Variants in INSR observed in about 807,000 individuals in gnomAD.
The protein encoded by INSR is IR.
INSR carries 67 observed loss-of-function variants against 142.6 expected under a neutral mutation model. The ratio of observed to expected loss-of-function variants is 0.47; its 90% CI spans 0.39 to 0.58. The LOEUF is 0.58. INSR is among the 20% of genes least tolerant of loss of function. The pLI is 0.00. For synonymous variants in INSR, 756 were observed against 743.1 expected, an observed-to-expected ratio of 1.02 and a Z score of -0.28; for missense variants, 1,248 against 1,833.2, an observed-to-expected ratio of 0.68 and a Z score of 5.83.
At chr19:7,233,888 G>A (rs1976075988) in intron 2 of INSR, among the ~76,000 whole-genome samples, 1 of 151,230 alleles carries the variant, frequency 6.6e-6, no homozygotes, top group African/African-American at 2.4e-5. Flanking sequence ...ATGTTCGCCA[G>A]GATGGTCTCG....
chr19:7,238,357 C>A (rs567329532), intron 2 of INSR, among the ~76,000 whole-genome samples: 1 of 152,052 alleles, frequency 6.6e-6, no homozygotes, highest in Non-Finnish European at 1.5e-5. Context: ...CAGTGGCTCA[C>A]GCCTGTAATC....
intron 2 of INSR, among the ~76,000 whole-genome samples, chr19:7,243,094 A>G (rs961414731): frequency 6.6e-6 from 1 of 152,124 alleles, no homozygotes; most frequent in Non-Finnish European, 1.5e-5. Context: ...GACTAAAAAA[A>G]CATTATTAGA....
chr19:7,202,771 G>A (rs531185533), intron 2 of INSR, among the ~76,000 whole-genome samples: 1 of 152,308 alleles, frequency 6.6e-6, no homozygotes, highest in Non-Finnish European at 1.5e-5. Flanking sequence ...AAAGTGCTGG[G>A]ATTACAGGCG....
In INSR at chr19:7,172,495, T is replaced by C; in HGVS notation, c.1124-61A>G. On this transcript the variant is annotated intron_variant, in intron 4 of 21. Coordinates refer to ENST00000302850, the MANE Select transcript of INSR (RefSeq NM_000208.4). The stretch of plus-strand genomic sequence containing the variant: ...AGACATATTTCAATCTTCTCATGAT[T>C]CTCCATGGTGAGAAGATAACCCTCA... The C allele has an allele frequency of 3.2e-6, 5 of 1,554,426 alleles. 1 individual carries two copies. In the South Asian group the frequency reaches 5.6e-5, roughly 17 times the overall value.
intron 2 of INSR, among the ~76,000 whole-genome samples, chr19:7,262,401 G>A (rs1461483995): frequency 6.6e-6 from 1 of 152,314 alleles, no homozygotes; most frequent in South Asian, 2.1e-4. Flanking sequence ...GAACCCGGGA[G>A]GCAGAGGTTG....
chr19:7,138,692 G>T (rs144384112), intron 13 of INSR, among the ~76,000 whole-genome samples: 8 of 152,104 alleles, frequency 5.3e-5, no homozygotes, highest in African/African-American at 1.9e-4. Flanking sequence ...ATTTTCAATG[G>T]CTCTTCATCC....
intron 13 of INSR, among the ~76,000 whole-genome samples, chr19:7,137,282 AAT>A (rs201200758): frequency 0.049 from 7,351 of 149,140 alleles, 524 homozygotes; most frequent in African/African-American, 0.16. Context: ...AAAAAAAAAA[AAT>A]CCCTCATGCC....
At chr19:7,182,512 C>T (rs1974299071) in intron 3 of INSR, among the ~76,000 whole-genome samples, 1 of 151,754 alleles carries the variant, frequency 6.6e-6, no homozygotes, top group Non-Finnish European at 1.5e-5. Context: ...GGCTCTGTCT[C>T]AAAATAAATA....
At chr19:7,202,996 G>GTTTTTTTTTTTTTTT (rs371572449) in intron 2 of INSR, among the ~76,000 whole-genome samples, 3 of 67,788 alleles carry the variant, frequency 4.4e-5, no homozygotes, top group African/African-American at 1.1e-4. Flanking sequence ...GGGTTTTGTT[G>GTTTTTTTTTTTTTTT]TTTTTTTTTT....
At chr19:7,165,843 A>G (rs1314815358) in intron 8 of INSR, among the ~76,000 whole-genome samples, 1 of 150,298 alleles carries the variant, frequency 6.7e-6, no homozygotes. Flanking sequence ...AGTCCGGGTG[A>G]CAGAGTGAGA....
At chr19:7,277,189 TGG>T (rs1968085624) in intron 1 of INSR, among the ~76,000 whole-genome samples, 1 of 152,148 alleles carries the variant, frequency 6.6e-6, no homozygotes, top group Admixed American at 6.6e-5. Context: ...TTGGACACAC[TGG>T]GGTGTCAGAG....
chr19:7,137,401 G>A (rs1972957767), intron 13 of INSR, among the ~76,000 whole-genome samples: 1 of 152,084 alleles, frequency 6.6e-6, no homozygotes, highest in Non-Finnish European at 1.5e-5. Context: ...CTTCCTCTGG[G>A]TTTGGCACTG....
chr19:7,225,248 G>A lies in INSR; in HGVS notation c.653-40611C>T, dbSNP rs749585429. On this transcript the variant is annotated intron_variant, in intron 2 of 21. Transcript: ENST00000302850. The surrounding 1 kb of genome is among the most constrained non-coding windows in gnomAD (Gnocchi z 4.7). ...CTATTGAGCGGCCGAGCCACAAGAA[G>A]ACACTTGCTCCATCAATGTTACTGT... Among the ~76,000 whole-genome samples the A allele has an allele frequency of 6.6e-6, 1 of 152,194 alleles. No individual in the cohort carries two copies. The highest frequency in any genetic ancestry group is 1.5e-5 in the Non-Finnish European group (1 of 68,036).
At chr19:7,163,350 G>C (rs1204055357) in intron 8 of INSR, 151 bp from the exon 9 acceptor site, 3 of 747,998 alleles carry the variant, frequency 4.0e-6, no homozygotes, top group Non-Finnish European at 7.2e-6. Flanking sequence ...CACGAGGTCA[G>C]GAGATCGAGA....
intron 2 of INSR, among the ~76,000 whole-genome samples, chr19:7,193,967 G>T (rs1974668633): frequency 6.6e-6 from 1 of 151,742 alleles, no homozygotes; most frequent in Non-Finnish European, 1.5e-5. Flanking sequence ...CTCCCAAACT[G>T]GGCATAGGCG....
chr19:7,203,545 TA>T (rs1176328735), intron 2 of INSR, among the ~76,000 whole-genome samples: 1 of 152,080 alleles, frequency 6.6e-6, no homozygotes, highest in Non-Finnish European at 1.5e-5. Flanking sequence ...ATCTCAACCA[TA>T]AAAAAGTTCT....
intron 2 of INSR, among the ~76,000 whole-genome samples, chr19:7,241,439 A>G (rs1976338812): frequency 6.6e-6 from 1 of 152,054 alleles, no homozygotes; most frequent in African/African-American, 2.4e-5. Flanking sequence ...GCCTGCCAAC[A>G]TGGTGAAACC....
At chr19:7,117,873 C>T (rs913340830) in intron 21 of INSR, among the ~76,000 whole-genome samples, 5 of 149,434 alleles carry the variant, frequency 3.3e-5, no homozygotes, top group African/African-American at 1.2e-4. Context: ...TCCCAAGGTG[C>T]TGGGATTACA....
intron 2 of INSR, among the ~76,000 whole-genome samples, chr19:7,228,396 C>T (rs973610461): frequency 6.6e-6 from 1 of 152,142 alleles, no homozygotes; most frequent in Admixed American, 6.6e-5. Flanking sequence ...CATGATCACA[C>T]CCCATTTACT....
Sources: allele counts gnomAD v4.1 joint callset (sites outside exome capture counted in the v4.1 genomes callset), GRCh38; gene constraint gnomAD v4.1.1; non-coding constraint Gnocchi (gnomAD v3.1); transcripts MANE v1.5; gene names NCBI Gene and HGNC (gene_info 2026-07-23, HGNC 2026-07-21).